Variants in VEZT observed in about 807,000 individuals in gnomAD.
The protein encoded by VEZT is vezatin, adherens junctions transmembrane protein, also known as vezatin.
In VEZT, 39 loss-of-function variants were observed where a neutral mutation model predicts 79.9. That is an observed-to-expected ratio of 0.49 (90% CI 0.38 to 0.64). VEZT has a LOEUF of 0.64. VEZT is among the 30% of genes least tolerant of loss of function. The pLI, the probability that VEZT is intolerant of heterozygous loss-of-function variation, is 0.00. For missense variants in VEZT, 837 were observed against 893.1 expected (o/e 0.94, Z 0.80); for synonymous variants, 325 against 327.6 (o/e 0.99, Z 0.09).
chr12:95,275,095 G>A (rs1339156881), intron 7 of VEZT, among the ~76,000 whole-genome samples: 2 of 152,148 alleles, frequency 1.3e-5, no homozygotes, highest in Admixed American at 1.3e-4. Flanking sequence ...AGATTTTGAC[G>A]TCCAAATACT....
At chr12:95,290,839 T>G (rs1289809216) in intron 9 of VEZT, 1 of 152,088 alleles carries the variant, frequency 6.6e-6, no homozygotes, top group Non-Finnish European at 1.5e-5. Context: ...CACATATACA[T>G]ATATATACAC....
intron 1 of VEZT, among the ~76,000 whole-genome samples, chr12:95,232,819 T>C (rs1054114880): frequency 6.6e-6 from 1 of 152,162 alleles, no homozygotes; most frequent in African/African-American, 2.4e-5. Context: ...TTTTTTGGGT[T>C]TTTTGAGACA....
At chr12:95,236,140 A>G (rs1384768132) in intron 1 of VEZT, among the ~76,000 whole-genome samples, 1 of 152,154 alleles carries the variant, frequency 6.6e-6, no homozygotes, top group Non-Finnish European at 1.5e-5. Context: ...ACCATTGAGC[A>G]CTGAGTGAAC....
In VEZT at chr12:95,251,945, T is replaced by C. The variant is rs1234499846; in HGVS notation, c.42T>C (p.Ser14=). 1 of 1,599,258 alleles carries C rather than the reference T, an allele frequency of 6.3e-7. No homozygotes were observed. Among genetic ancestry groups the C allele is most frequent in the Non-Finnish European group, 8.5e-7 (1 of 1,175,586 alleles). ...EFDEEVVFEN[S]PLYQYLQDLG... ...TTATTTTGTGTCTTTTTCAGAATTC[T>C]CCACTTTACCAATACTTACAGGATC... The change falls in exon 2 of 12, where the codon TCT becomes TCC. Residue 14 remains serine, a synonymous_variant. Coordinates refer to ENST00000436874, the MANE Select transcript of VEZT (RefSeq NM_017599.4).
intron 1 of VEZT, among the ~76,000 whole-genome samples, chr12:95,236,249 C>A (rs983713746): frequency 7.2e-5 from 11 of 152,170 alleles, no homozygotes; most frequent in African/African-American, 2.7e-4. Flanking sequence ...AGCGAAACCC[C>A]GTCTCCACCC....
At chr12:95,250,372 G>A (rs187872020) in intron 1 of VEZT, among the ~76,000 whole-genome samples, 5 of 143,818 alleles carry the variant, frequency 3.5e-5, no homozygotes, top group Non-Finnish European at 6.0e-5. Context: ...GCATAATCCC[G>A]GCTCACTGCA....
At chr12:95,252,652 T>C (rs141389566) in intron 2 of VEZT, among the ~76,000 whole-genome samples, 81 of 152,308 alleles carry the variant, frequency 5.3e-4, no homozygotes, top group Non-Finnish European at 8.2e-4. Context: ...TATGTCCTGC[T>C]AGCCATGTTT....
In VEZT at chr12:95,254,966, A is replaced by G. The variant is rs7966631; in HGVS notation, c.169-2184A>G. Among the ~76,000 whole-genome samples, 496 of 151,994 alleles carry G rather than the reference A, an allele frequency of 3.3e-3. 2 individuals carry two copies. The highest frequency in any genetic ancestry group is 0.01 in the African/African-American group (425 of 41,422). ...CTGTGATTATTCTTAAATTCATTCC[A>G]TAGAGTTTTAGCAGCAGGCTTCTCG... On this transcript the variant is annotated intron_variant, in intron 2 of 11. Transcript: ENST00000436874.
chr12:95,239,351 G>A (rs949688993), intron 1 of VEZT, among the ~76,000 whole-genome samples: 6 of 152,200 alleles, frequency 3.9e-5, no homozygotes, highest in Non-Finnish European at 4.4e-5. Context: ...ACTAGTGCCT[G>A]ACACAGAGTA....
intron 4 of VEZT, among the ~76,000 whole-genome samples, chr12:95,264,869 CTTTTTT>C (rs71078693): frequency 8.8e-6 from 1 of 113,332 alleles, no homozygotes; most frequent in East Asian, 2.4e-4. Flanking sequence ...CTTTTCTTTT[CTTTTTT>C]TTTTTTTTTT....
At chr12:95,287,929 G>T in intron 9 of VEZT, 72 bp downstream of exon 9, 1 of 1,322,406 alleles carries the variant, frequency 7.6e-7, no homozygotes, top group Non-Finnish European at 1.0e-6. Context: ...ATTTTATTAG[G>T]TAGACTTCTT....
intron 1 of VEZT, among the ~76,000 whole-genome samples, chr12:95,227,079 T>G (rs1593038472): frequency 6.6e-6 from 1 of 152,240 alleles, no homozygotes; most frequent in East Asian, 1.9e-4. Context: ...GTTGTTTTAC[T>G]CTGTTATCGT....
chr12:95,223,277 T>A (rs2057902231), intron 1 of VEZT, among the ~76,000 whole-genome samples: 1 of 152,226 alleles, frequency 6.6e-6, no homozygotes, highest in Non-Finnish European at 1.5e-5. Context: ...AAATGTTACC[T>A]TTTATTAAAT....
chr12:95,224,340 G>T (rs571778258), intron 1 of VEZT: 59 of 443,234 alleles, frequency 1.3e-4, no homozygotes, highest in East Asian at 1.1e-3. Context: ...TTTTGACAGG[G>T]TCTTGCACTG....
intron 1 of VEZT, among the ~76,000 whole-genome samples, chr12:95,228,496 T>G (rs2058802201): frequency 6.6e-6 from 1 of 152,088 alleles, no homozygotes; most frequent in South Asian, 2.1e-4. Flanking sequence ...AAATTTAAGG[T>G]ATTATTATAT....
intron 1 of VEZT, among the ~76,000 whole-genome samples, chr12:95,238,665 TTCC>T (rs1033758940): frequency 6.6e-6 from 1 of 152,216 alleles, no homozygotes; most frequent in African/African-American, 2.4e-5. Flanking sequence ...ATACATCACC[TTCC>T]TCCTCAGATT....
At chr12:95,264,897 A>G (rs1350466746) in intron 4 of VEZT, among the ~76,000 whole-genome samples, 1 of 130,774 alleles carries the variant, frequency 7.6e-6, no homozygotes, top group Non-Finnish European at 1.6e-5. Context: ...TTTTGAGACA[A>G]GGTCCTGCTT....
intron 1 of VEZT, among the ~76,000 whole-genome samples, chr12:95,236,664 G>A (rs1430855764): frequency 1.3e-5 from 2 of 151,460 alleles, no homozygotes; most frequent in Non-Finnish European, 2.9e-5. Context: ...TCCACCTCCT[G>A]GGTTCAGGTG....
chr12:95,286,136 G>C (rs185108762), intron 8 of VEZT, among the ~76,000 whole-genome samples: 1 of 151,752 alleles, frequency 6.6e-6, no homozygotes, highest in Non-Finnish European at 1.5e-5. Context: ...GGGATCACAG[G>C]CACCTGCCAC....
Sources: allele counts gnomAD v4.1 joint callset (sites outside exome capture counted in the v4.1 genomes callset), GRCh38; gene constraint gnomAD v4.1.1; transcripts MANE v1.5; gene names NCBI Gene and HGNC (gene_info 2026-07-23, HGNC 2026-07-21).